AFAP1L2: variants seen among roughly 807,000 people sequenced by gnomAD.
AFAP1L2 encodes actin filament-associated protein 1-like 2.
AFAP1L2 carries 46 observed loss-of-function variants against 99.3 expected under a neutral mutation model. The ratio of observed to expected loss-of-function variants is 0.46; its 90% CI spans 0.37 to 0.59. AFAP1L2 has a LOEUF of 0.59. Ranked by LOEUF, AFAP1L2 falls within the 20% of genes least tolerant of loss-of-function variation. AFAP1L2 has a pLI of 0.00. For synonymous variants in AFAP1L2, 397 were observed against 419.1 expected, an observed-to-expected ratio of 0.95 and a Z score of 0.64; for missense variants, 959 against 1,034.9, an observed-to-expected ratio of 0.93 and a Z score of 1.01.
chr10:114,310,554 G>A, intron 7 of AFAP1L2, 111 bp from the exon 8 acceptor site: 1 of 955,056 alleles, frequency 1.0e-6, no homozygotes, highest in Non-Finnish European at 1.6e-6. Context: ...GGAGGTGAGA[G>A]AGAAGATGAA....
intron 7 of AFAP1L2, 126 bp from the exon 8 acceptor site, chr10:114,310,569 C>G (rs1342473779): frequency 7.0e-6 from 6 of 856,742 alleles, no homozygotes; most frequent in Non-Finnish European, 1.1e-5. Context: ...GATGAATTTC[C>G]AAGGAAGAGG....
chr10:114,366,223 T>C (rs1293046813), intron 1 of AFAP1L2, among the ~76,000 whole-genome samples: 1 of 152,154 alleles, frequency 6.6e-6, no homozygotes, highest in Non-Finnish European at 1.5e-5. Context: ...AAGCCAAGAC[T>C]GTCATATACA....
chr10:114,289,472 T>C, the AFAP1L2 span: 42 of 1,614,060 alleles, frequency 2.6e-5, no homozygotes, highest in Non-Finnish European at 3.4e-5. Context: ...GACGTGCTCA[T>C]TGAGTGGCTG....
chr10:114,361,845 G>A (rs1158745150), intron 1 of AFAP1L2, among the ~76,000 whole-genome samples: 3 of 152,120 alleles, frequency 2.0e-5, no homozygotes, highest in Non-Finnish European at 4.4e-5. Context: ...AGGTTATCCT[G>A]CTATAACCTA....
chr10:114,397,853 C>G (rs879544246), intron 1 of AFAP1L2, among the ~76,000 whole-genome samples: 4 of 152,104 alleles, frequency 2.6e-5, no homozygotes, highest in Admixed American at 2.6e-4. Flanking sequence ...CACAGTCCAC[C>G]AGGACTGTAT....
At chr10:114,404,259 G>A (rs1046446257) in intron 1 of AFAP1L2, among the ~76,000 whole-genome samples, 181 bp downstream of exon 1, 1 of 152,136 alleles carries the variant, frequency 6.6e-6, no homozygotes, top group African/African-American at 2.4e-5. Context: ...CAGCCACCTA[G>A]GAGCCCACCC....
intron 1 of AFAP1L2, among the ~76,000 whole-genome samples, chr10:114,348,466 T>C (rs890644811): frequency 1.3e-5 from 2 of 152,162 alleles, no homozygotes; most frequent in African/African-American, 4.8e-5. Context: ...TTCATCCCGG[T>C]TGTAATGCAT....
intron 1 of AFAP1L2, among the ~76,000 whole-genome samples, chr10:114,402,275 C>A (rs1267458760): frequency 1.3e-5 from 2 of 152,146 alleles, no homozygotes; most frequent in African/African-American, 4.8e-5. Context: ...CTTCATTTTG[C>A]ATTTTGCATA....
chr10:114,399,651 A>G (rs916426311), intron 1 of AFAP1L2, among the ~76,000 whole-genome samples: 1 of 152,150 alleles, frequency 6.6e-6, no homozygotes, highest in Admixed American at 6.5e-5. Flanking sequence ...CTCGATGAAC[A>G]ATCTTTGGAG....
At chr10:114,288,970 A>T in the AFAP1L2 span, 4 of 1,613,350 alleles carry the variant, frequency 2.5e-6, no homozygotes, top group Non-Finnish European at 3.4e-6. Flanking sequence ...CCTCGTCTTC[A>T]TGTTGGACAC....
the AFAP1L2 span, among the ~76,000 whole-genome samples, chr10:114,285,698 G>C: frequency 6.6e-6 from 1 of 152,244 alleles, no homozygotes; most frequent in African/African-American, 2.4e-5. Context: ...ATGGAAAAAA[G>C]TGATAATGTA....
At chr10:114,312,344 ATT>A (rs2043384335) in intron 7 of AFAP1L2, among the ~76,000 whole-genome samples, 1 of 151,916 alleles carries the variant, frequency 6.6e-6, no homozygotes, top group South Asian at 2.1e-4. Flanking sequence ...ATACATGTGC[ATT>A]TGTCCGTGTG....
At chr10:114,400,150 C>G (rs1343484851) in intron 1 of AFAP1L2, among the ~76,000 whole-genome samples, 2 of 152,218 alleles carry the variant, frequency 1.3e-5, no homozygotes, top group African/African-American at 2.4e-5. Context: ...ATGACAGAAG[C>G]CTTTAAAGAA....
At chr10:114,283,267 G>A in the AFAP1L2 span, among the ~76,000 whole-genome samples, 6 of 151,862 alleles carry the variant, frequency 4.0e-5, no homozygotes, top group Non-Finnish European at 5.9e-5. Context: ...GCAGGGCAGC[G>A]AGCAGTTAGA....
rs775704580 is a variant in AFAP1L2, at chr10:114,331,902, G to A, written c.221-5C>T. 7 of 1,295,834 alleles carry A rather than the reference G, an allele frequency of 5.4e-6. No homozygotes were observed. The highest frequency in any genetic ancestry group is 2.6e-5 in the South Asian group (1 of 37,906). 80.3% of individuals were successfully genotyped at this position (1,295,834 alleles called of 1,614,324 possible). ...GCAGGCCCTGCTCCTCAGGCGCTGCGGGCAGCAAAAGGAAAAGGCTTCGGT... is the reference window on the plus strand; with the variant it reads ...GCAGGCCCTGCTCCTCAGGCGCTGCAGGCAGCAAAAGGAAAAGGCTTCGGT... On this transcript the variant is annotated splice_polypyrimidine_tract_variant and splice_region_variant and intron_variant, in intron 3 of 18. Transcript: ENST00000304129.
At chr10:114,284,868 T>G in the AFAP1L2 span, 2 of 1,607,794 alleles carry the variant, frequency 1.2e-6, no homozygotes, top group Non-Finnish European at 8.5e-7. Flanking sequence ...GATAGGCCCC[T>G]GTGACTCGCA....
At chr10:114,401,584 T>A (rs2058238224) in intron 1 of AFAP1L2, among the ~76,000 whole-genome samples, 1 of 152,158 alleles carries the variant, frequency 6.6e-6, no homozygotes. Flanking sequence ...TTATGGCAAC[T>A]CTCATAAAAG....
intron 1 of AFAP1L2, among the ~76,000 whole-genome samples, chr10:114,347,147 C>T (rs2049726861): frequency 6.6e-6 from 1 of 152,158 alleles, no homozygotes; most frequent in Non-Finnish European, 1.5e-5. Context: ...AAGATCAAGC[C>T]ACTGAATGTA....
the AFAP1L2 span, chr10:114,282,414 T>C: frequency 1.1e-6 from 1 of 938,074 alleles, no homozygotes; most frequent in Non-Finnish European, 1.7e-6. Flanking sequence ...TACTTCTGCA[T>C]TGGAATCTTC....
Sources: allele counts gnomAD v4.1 joint callset (sites outside exome capture counted in the v4.1 genomes callset), GRCh38; gene constraint gnomAD v4.1.1; transcripts MANE v1.5; gene names NCBI Gene and HGNC (gene_info 2026-07-23, HGNC 2026-07-21).